FSTL5: variants seen among roughly 807,000 people sequenced by gnomAD.
The protein encoded by FSTL5 is follistatin-related protein 5.
In FSTL5, 62 loss-of-function variants were observed where a neutral mutation model predicts 89.1. The ratio of observed to expected loss-of-function variants is 0.70; its 90% CI spans 0.57 to 0.86. The LOEUF is 0.86. Ranked by LOEUF, FSTL5 falls within the 40% of genes least tolerant of loss-of-function variation. FSTL5 has a pLI of 0.00. For synonymous variants in FSTL5, 383 were observed against 346.2 expected (o/e 1.11, Z -1.18); for missense variants, 1,057 against 1,001.6 (o/e 1.06, Z -0.75).
intron 1 of FSTL5, among the ~76,000 whole-genome samples, chr4:162,116,295 A>C: frequency 6.6e-6 from 1 of 152,326 alleles, no homozygotes; most frequent in Admixed American, 6.5e-5. Context: ...AATATTCATA[A>C]AATACTGCTG....
intron 2 of FSTL5, among the ~76,000 whole-genome samples, chr4:162,066,355 C>CTTCTTCTTCTTGTTCTT (rs1553996329): frequency 1.6e-4 from 10 of 61,166 alleles, no homozygotes; most frequent in African/African-American, 4.9e-4. Context: ...TTCTTCTTCT[C>CTTCTTCTTCTTGTTCTT]CTTCTTCTTC....
At chr4:161,872,443 C>T (rs1167458915) in intron 4 of FSTL5, among the ~76,000 whole-genome samples, 1 of 152,118 alleles carries the variant, frequency 6.6e-6, no homozygotes, top group Non-Finnish European at 1.5e-5. Flanking sequence ...CTTCTAGAGA[C>T]CTTCAAAAAT....
intron 8 of FSTL5, among the ~76,000 whole-genome samples, chr4:161,580,888 G>GT (rs1279562388): frequency 7.9e-5 from 12 of 152,170 alleles, no homozygotes; most frequent in African/African-American, 2.9e-4. Context: ...AGCTTTGGCA[G>GT]TAAGTAGTTA....
chr4:161,872,141 G>GTTTTTTTTTTTTTTTTT (rs1171950770), intron 4 of FSTL5, among the ~76,000 whole-genome samples: 4 of 79,558 alleles, frequency 5.0e-5, no homozygotes, highest in African/African-American at 2.1e-4. Context: ...TTTTTTTTTG[G>GTTTTTTTTTTTTTTTTT]TTTTTTTTTT....
At chr4:161,562,697 C>T (rs547139361) in intron 8 of FSTL5, among the ~76,000 whole-genome samples, 1 of 151,342 alleles carries the variant, frequency 6.6e-6, no homozygotes, top group Non-Finnish European at 1.5e-5. Flanking sequence ...TGGCAAAATA[C>T]CCATAATATA....
intron 1 of FSTL5, among the ~76,000 whole-genome samples, chr4:162,114,235 A>T (rs1731550848): frequency 6.6e-6 from 1 of 152,110 alleles, no homozygotes; most frequent in African/African-American, 2.4e-5. Context: ...AGAGGTAAAT[A>T]TTTGTTTATA....
intron 4 of FSTL5, among the ~76,000 whole-genome samples, chr4:161,855,740 A>G (rs1397669338): frequency 1.3e-5 from 2 of 152,146 alleles, no homozygotes; most frequent in African/African-American, 2.4e-5. Flanking sequence ...ATGTTGCACT[A>G]AAGTTAATTT....
chr4:161,646,730 CT>C (rs1447769416), intron 7 of FSTL5, among the ~76,000 whole-genome samples: 1 of 152,074 alleles, frequency 6.6e-6, no homozygotes, highest in African/African-American at 2.4e-5. Context: ...AACAGAATGC[CT>C]TGCTTTAAAT....
At chr4:161,687,661 T>C (rs1737792353) in intron 6 of FSTL5, among the ~76,000 whole-genome samples, 1 of 152,174 alleles carries the variant, frequency 6.6e-6, no homozygotes, top group South Asian at 2.1e-4. Flanking sequence ...GGGGCATATG[T>C]GTCACCTCAG....
chr4:162,043,430 A>G (rs376780072), intron 2 of FSTL5: 4 of 152,314 alleles, frequency 2.6e-5, no homozygotes, highest in Middle Eastern at 3.4e-3. Context: ...AATCAAAAGT[A>G]CTTTATTGCT....
rs1001937520 is a variant in FSTL5, at chr4:161,812,329, T to C, written c.410-36255A>G. On this transcript the variant is annotated intron_variant, in intron 4 of 15. Coordinates refer to ENST00000306100, the MANE Select transcript of FSTL5 (RefSeq NM_020116.5). Reference sequence around the variant, plus strand: ...CATAGTTGAAGCCTTTCTCATTTTATGCGTAGGATCACAGTCCCTGTGCAA... The same window carrying C: ...CATAGTTGAAGCCTTTCTCATTTTACGCGTAGGATCACAGTCCCTGTGCAA... Among the ~76,000 whole-genome samples the C allele has an allele frequency of 2.0e-5, 3 of 152,342 alleles. No individual in the cohort carries two copies. In the East Asian group the frequency reaches 5.8e-4, roughly 29 times the overall value.
intron 6 of FSTL5, among the ~76,000 whole-genome samples, chr4:161,672,065 C>T (rs1737133892): frequency 6.6e-6 from 1 of 152,062 alleles, no homozygotes; most frequent in Non-Finnish European, 1.5e-5. Flanking sequence ...GTATCTTTAA[C>T]CAGTAAACTG....
At chr4:161,515,908 T>G (rs1730807412) in intron 10 of FSTL5, among the ~76,000 whole-genome samples, 1 of 151,648 alleles carries the variant, frequency 6.6e-6, no homozygotes, top group African/African-American at 2.4e-5. Flanking sequence ...TGAAAGCCTT[T>G]AAAACATTTG....
chr4:162,064,110 G>A (rs544591814), intron 2 of FSTL5, among the ~76,000 whole-genome samples: 2 of 151,244 alleles, frequency 1.3e-5, no homozygotes, highest in Non-Finnish European at 3.0e-5. Flanking sequence ...ACCTTCTCTT[G>A]GTCTCCCCGA....
intron 1 of FSTL5, among the ~76,000 whole-genome samples, chr4:162,156,182 C>A (rs1733462791): frequency 6.6e-6 from 1 of 152,082 alleles, no homozygotes; most frequent in Non-Finnish European, 1.5e-5. Context: ...GCAAATCAAA[C>A]CACAGTAAGA....
chr4:162,105,206 T>G (rs949453065), intron 2 of FSTL5, among the ~76,000 whole-genome samples: 1 of 152,178 alleles, frequency 6.6e-6, no homozygotes, highest in Non-Finnish European at 1.5e-5. Context: ...TTACCATTTA[T>G]TTTCTTTCTG....
intron 3 of FSTL5, among the ~76,000 whole-genome samples, chr4:161,951,904 T>C (rs1734906580): frequency 6.6e-6 from 1 of 152,012 alleles, no homozygotes; most frequent in Admixed American, 6.6e-5. Context: ...CTCAAGTATA[T>C]AGATAAAAAT....
intron 4 of FSTL5, among the ~76,000 whole-genome samples, chr4:161,810,147 T>A (rs969000125): frequency 3.3e-5 from 5 of 152,012 alleles, no homozygotes; most frequent in African/African-American, 1.2e-4. Context: ...ATTAAAAAAA[T>A]TAAAAATATG....
At chr4:161,510,491 A>G (rs188964014) in intron 10 of FSTL5, 67 bp from the exon 11 acceptor site, 3 of 878,340 alleles carry the variant, frequency 3.4e-6, no homozygotes, top group African/African-American at 3.5e-5. Context: ...CTATATGGTA[A>G]TATAAATATT....
Sources: allele counts gnomAD v4.1 joint callset (sites outside exome capture counted in the v4.1 genomes callset), GRCh38; gene constraint gnomAD v4.1.1; transcripts MANE v1.5; gene names NCBI Gene and HGNC (gene_info 2026-07-23, HGNC 2026-07-21).